Variants in PCLO observed in about 807,000 individuals in gnomAD.
PCLO encodes protein piccolo.
A neutral mutation model predicts 427.5 loss-of-function variants in PCLO; 82 were observed. The observed-to-expected ratio is 0.19, with a 90% CI of 0.16 to 0.23. PCLO has a LOEUF of 0.23. PCLO is among the 10% of genes least tolerant of loss of function. The pLI is 1.00. For synonymous variants in PCLO, 2,357 were observed against 2,155.4 expected (o/e 1.09, Z -2.59); for missense variants, 6,239 against 6,115.9 (o/e 1.02, Z -0.67).
At position 83,134,728 on chromosome 7, in the gene PCLO, T is replaced by C; in HGVS notation, c.2822A>G (p.Gln941Arg). ...LFGFGASIFS[Q>R]ASNLISTAGQ... Reference sequence around the variant, plus strand: ...TGCAGTGGAAATTAAATTTGATGCCTGGCTGAAGATTGATGCTCCAAACCC... The same window carrying C: ...TGCAGTGGAAATTAAATTTGATGCCCGGCTGAAGATTGATGCTCCAAACCC... The change falls in exon 3 of 25, where the codon CAG (glutamine) becomes CGG (arginine). Residue 941 changes from glutamine (Q) to arginine (R), a missense_variant. Transcript: ENST00000333891. 1 of 1,613,940 alleles carries C rather than the reference T, an allele frequency of 6.2e-7. No individual in the cohort carries two copies. The highest frequency in any genetic ancestry group is 8.5e-7 in the Non-Finnish European group (1 of 1,179,866).
At chr7:82,884,812 C>CT (rs879610831) in intron 9 of PCLO, among the ~76,000 whole-genome samples, 189 of 146,486 alleles carry the variant, frequency 1.3e-3, no homozygotes, top group African/African-American at 4.0e-3. Flanking sequence ...AAAGAAAATT[C>CT]TTTTTTTTTT....
At chr7:83,028,907 G>C (rs1432381418) in intron 3 of PCLO, among the ~76,000 whole-genome samples, 1 of 151,974 alleles carries the variant, frequency 6.6e-6, no homozygotes, top group Non-Finnish European at 1.5e-5. Flanking sequence ...CTAGCCATAT[G>C]TAGAAAGCTG....
chr7:82,770,376 C>T (rs1202127755), intron 22 of PCLO, among the ~76,000 whole-genome samples: 4 of 151,900 alleles, frequency 2.6e-5, no homozygotes, highest in Admixed American at 1.3e-4. Flanking sequence ...AACCCATCAT[C>T]TCACTCAATT....
intron 6 of PCLO, among the ~76,000 whole-genome samples, chr7:82,935,367 G>T (rs1210372730): frequency 6.6e-6 from 1 of 151,122 alleles, no homozygotes; most frequent in Non-Finnish European, 1.5e-5. Flanking sequence ...TTGGTTTGCT[G>T]CAAAGATAAA....
At position 82,955,041 on chromosome 7, in the gene PCLO, C is replaced by A. The variant is rs1398031765; in HGVS notation, c.5912G>T (p.Gly1971Val). The change falls in exon 5 of 25, where the codon GGC becomes GTC. Residue 1971 changes from glycine (G) to valine (V), a missense_variant. Physicochemically the swap from Gly to Val is moderately radical, Grantham distance 109. Transcript: ENST00000333891. ...VEDTYNGSVD[G>V]SLLTRQEEEN... ...TTCTTCTTGCCTTGTTAGCAGACTG[C>A]CATCTACCGATCCATTGTACGTGTC... The A allele has an allele frequency of 6.2e-7, 1 of 1,613,712 alleles. No homozygotes were observed. The highest frequency in any genetic ancestry group is 2.2e-5 in the East Asian group (1 of 44,868).
chr7:82,931,540 C>CTACT (rs1562865151), intron 6 of PCLO, among the ~76,000 whole-genome samples: 1 of 152,114 alleles, frequency 6.6e-6, no homozygotes, highest in African/African-American at 2.4e-5. Flanking sequence ...CTAAGGAAGA[C>CTACT]TACTTCTAAG....
intron 22 of PCLO, among the ~76,000 whole-genome samples, chr7:82,796,350 C>A (rs188846164): frequency 9.9e-4 from 150 of 151,988 alleles, no homozygotes; most frequent in Non-Finnish European, 7.4e-4. Context: ...GAAATCACAC[C>A]CCAAATAGGA....
intron 9 of PCLO, among the ~76,000 whole-genome samples, chr7:82,884,329 A>C (rs1793580398): frequency 6.6e-6 from 1 of 152,136 alleles, no homozygotes; most frequent in Non-Finnish European, 1.5e-5. Context: ...ACGAGTAAAA[A>C]AATACACAAA....
At chr7:82,810,098 T>C (rs1479958300) in intron 20 of PCLO, among the ~76,000 whole-genome samples, 2 of 151,616 alleles carry the variant, frequency 1.3e-5, no homozygotes, top group Non-Finnish European at 3.0e-5. Context: ...TGTTTGTATG[T>C]AGGTAGTTGG....
chr7:82,914,923 C>A lies in PCLO; in HGVS notation c.13063G>T (p.Ala4355Ser). ...SQSRGRIPIV[A>S]QNSEEESPLS... ...GGGCTTTCTTCTTCAGAATTCTGGG[C>A]CACAATTGGTATTCTTCCTCTACTT... Residue 4355 changes from alanine (A) to serine (S), a missense_variant, in exon 7 of 25, where the codon GCC (alanine) becomes TCC (serine). Coordinates refer to ENST00000333891, the MANE Select transcript of PCLO (RefSeq NM_033026.6). 1.9e-6 allele frequency: 3 copies of A among 1,613,590 alleles called. No homozygotes were observed. Among genetic ancestry groups the A allele is most frequent in the Non-Finnish European group, 2.5e-6 (3 of 1,179,734 alleles).
chr7:83,071,380 T>C (rs1789811940), intron 3 of PCLO, among the ~76,000 whole-genome samples: 1 of 152,202 alleles, frequency 6.6e-6, no homozygotes, highest in African/African-American at 2.4e-5. Context: ...CATATAATGG[T>C]TGTTAGATTG....
At chr7:82,869,635 A>C (rs928938783) in intron 10 of PCLO, among the ~76,000 whole-genome samples, 1 of 152,016 alleles carries the variant, frequency 6.6e-6, no homozygotes, top group African/African-American at 2.4e-5. Flanking sequence ...GTAGGGATAG[A>C]AAAATAGACC....
chr7:82,779,549 T>C (rs1251476383), intron 22 of PCLO, among the ~76,000 whole-genome samples: 4 of 152,126 alleles, frequency 2.6e-5, no homozygotes, highest in African/African-American at 9.6e-5. Flanking sequence ...TCTACTCTTT[T>C]CCTTCTACAT....
intron 3 of PCLO, among the ~76,000 whole-genome samples, chr7:83,071,918 G>A (rs1789826819): frequency 6.6e-6 from 1 of 152,116 alleles, no homozygotes; most frequent in African/African-American, 2.4e-5. Context: ...TATCTGAAAT[G>A]TAGGAGGAGA....
At chr7:82,807,228 T>C (rs887385544) in intron 20 of PCLO, among the ~76,000 whole-genome samples, 1 of 151,078 alleles carries the variant, frequency 6.6e-6, no homozygotes, top group African/African-American at 2.4e-5. Flanking sequence ...TTACTGTCTT[T>C]GAGCTTAAAT....
At chr7:82,805,332 T>G (rs1022650796) in intron 21 of PCLO, among the ~76,000 whole-genome samples, 1 of 152,232 alleles carries the variant, frequency 6.6e-6, no homozygotes, top group Non-Finnish European at 1.5e-5. Flanking sequence ...GGTAAATTAA[T>G]ATATGTTTGT....
chr7:83,158,749 CT>C (rs768764185), intron 1 of PCLO, among the ~76,000 whole-genome samples: 90 of 152,048 alleles, frequency 5.9e-4, no homozygotes, highest in Non-Finnish European at 1.0e-3. Context: ...ATAAGTTGTA[CT>C]TTACTATAGA....
chr7:82,949,352 A>G, intron 6 of PCLO, 124 bp downstream of exon 6: 1 of 724,464 alleles, frequency 1.4e-6, no homozygotes, highest in Non-Finnish European at 2.3e-6. Flanking sequence ...CTAAGGCAAT[A>G]ATCTTCACCC....
Position 82,951,255 on chromosome 7 carries a change from G to A in PCLO, c.9333C>T (p.Phe3111=), listed in dbSNP as rs267601590. Residue 3111 remains phenylalanine, a synonymous_variant, in exon 6 of 25, where the codon TTC becomes TTT. Coordinates refer to ENST00000333891, the MANE Select transcript of PCLO (RefSeq NM_033026.6). The part of the protein sequence containing the change: ...FAITTQPGSI[F]STTVRDLSGI... ...CAGACAAATCCCTCACTGTGGTGCT[G>A]AAAATGGAGCCAGGTTGTGTGGTGA... 6.2e-7 allele frequency: 1 copy of A among 1,613,402 alleles called. No homozygotes were observed. Among genetic ancestry groups the A allele is most frequent in the African/African-American group, 1.3e-5 (1 of 74,926 alleles).
Sources: gnomAD v4.1 joint callset for allele counts (sites outside exome capture counted in the v4.1 genomes callset) on GRCh38, gnomAD v4.1.1 for gene constraint, MANE v1.5 for transcripts, NCBI Gene and HGNC (gene_info 2026-07-23, HGNC 2026-07-21) for gene names.